Variants in RHAG observed in about 807,000 individuals in gnomAD.
RHAG encodes ammonium transporter Rh type A.
Under a neutral mutation model 42.4 loss-of-function variants are expected in RHAG, and 25 were observed. The ratio of observed to expected loss-of-function variants is 0.59; its 90% CI spans 0.43 to 0.82. The LOEUF is 0.82. Among genes scored for constraint, RHAG ranks in the 40% least tolerant of loss-of-function variants. The pLI is 0.00. For synonymous variants in RHAG, 182 were observed against 177.7 expected, an observed-to-expected ratio of 1.02 and a Z score of -0.19; for missense variants, 483 against 504.6, an observed-to-expected ratio of 0.96 and a Z score of 0.41.
At chr6:49,608,909 T>C (rs1254999470) in intron 7 of RHAG, among the ~76,000 whole-genome samples, 1 of 152,150 alleles carries the variant, frequency 6.6e-6, no homozygotes, top group Non-Finnish European at 1.5e-5. Flanking sequence ...CCTGTTAATT[T>C]TATAGGAATT....
chr6:49,616,373 A>G (rs1288806840), intron 3 of RHAG, among the ~76,000 whole-genome samples: 1 of 147,236 alleles, frequency 6.8e-6, no homozygotes, highest in Admixed American at 6.7e-5. Flanking sequence ...AAAAAAAAAA[A>G]AAGATACTGC....
At position 49,614,787 on chromosome 6, in the gene RHAG, T is replaced by C. The variant is rs777825752; in HGVS notation, c.707A>G (p.Gln236Arg). The change falls in exon 5 of 10, where the codon CAG (glutamine) becomes CGG (arginine). Residue 236 changes from glutamine (Q) to arginine (R), a missense_variant. Physicochemically the swap from Gln to Arg is conservative, Grantham distance 43 (BLOSUM62 1). Coordinates refer to ENST00000371175, the MANE Select transcript of RHAG (RefSeq NM_000324.3). The stretch of plus-strand genomic sequence containing the variant: ...GTACGTGTTTACAATGGCCCTGCAC[T>C]GTTTGTCTCCAGGTTCAGCAATGGC... ...NSAIAEPGDK[Q>R]CRAIVNTYFS... 3 of 1,614,170 alleles carry C rather than the reference T, an allele frequency of 1.9e-6. No individual in the cohort carries two copies. The highest frequency in any genetic ancestry group is 2.2e-5 in the South Asian group (2 of 91,086).
chr6:49,620,080 A>G (rs1171683467), intron 1 of RHAG, among the ~76,000 whole-genome samples: 1 of 152,202 alleles, frequency 6.6e-6, no homozygotes, highest in African/African-American at 2.4e-5. Flanking sequence ...ATGAAGCATT[A>G]ATAAACATAA....
Position 49,636,801 on chromosome 6 carries a change from T to G in RHAG, c.12A>C (p.Thr4=), listed in dbSNP as rs761593524. Residue 4 remains threonine, a synonymous_variant, in exon 1 of 10, where the codon ACA becomes ACC. Transcript: ENST00000371175. ...CCAGGACTATAGCCATGAGAGGGAA[T>G]GTGAACCTCATGTTTGTGGCAAAGG... The part of the protein sequence containing the change: MRF[T]FPLMAIVLEI... 2 of 1,613,756 alleles carry G rather than the reference T, an allele frequency of 1.2e-6. No individual in the cohort carries two copies. Among genetic ancestry groups the G allele is most frequent in the East Asian group, 4.5e-5 (2 of 44,858 alleles).
intron 7 of RHAG, 30 bp downstream of exon 7, chr6:49,610,994 A>T (rs767865615): frequency 6.2e-7 from 1 of 1,613,334 alleles, no homozygotes; most frequent in South Asian, 1.1e-5. Context: ...ATGGGACCAC[A>T]GGGGCTGAAA....
chr6:49,611,190 T>C (rs1348597202), intron 6 of RHAG, 45 bp from the exon 7 acceptor site: 9 of 1,470,980 alleles, frequency 6.1e-6, no homozygotes, highest in Non-Finnish European at 8.6e-6. Context: ...GTTAAACATA[T>C]AGAACTCTAG....
chr6:49,634,666 TGA>T (rs1463723515), intron 1 of RHAG, among the ~76,000 whole-genome samples: 1 of 152,048 alleles, frequency 6.6e-6, no homozygotes, highest in African/African-American at 2.4e-5. Flanking sequence ...CCTACAAGCT[TGA>T]GAGAGTTGAA....
In RHAG at chr6:49,615,636, A is replaced by G; in HGVS notation, c.628T>C (p.Phe210Leu). 1.2e-6 allele frequency: 2 copies of G among 1,614,080 alleles called. No homozygotes were observed. The highest frequency in any genetic ancestry group is 1.7e-6 in the Non-Finnish European group (2 of 1,180,014). The change falls in exon 4 of 10, where the codon TTT becomes CTT. Residue 210 changes from phenylalanine to leucine, a missense_variant. Coordinates refer to ENST00000371175, the MANE Select transcript of RHAG (RefSeq NM_000324.3). The part of the protein sequence containing the change: ...NEESAYYSDL[F>L]AMIGTLFLWM... ...TATCCACACTCACCAATCATTGCAA[A>G]CAAGTCTGAGTAGTATGCGGACTCT...
chr6:49,628,787 C>T (rs913249155), intron 1 of RHAG, among the ~76,000 whole-genome samples: 6 of 152,072 alleles, frequency 3.9e-5, no homozygotes, highest in Admixed American at 1.3e-4. Context: ...CGTGGTCTCG[C>T]TGGCTTCAGG....
At chr6:49,622,153 T>C (rs1762768691) in intron 1 of RHAG, among the ~76,000 whole-genome samples, 1 of 151,534 alleles carries the variant, frequency 6.6e-6, no homozygotes, top group Non-Finnish European at 1.5e-5. Flanking sequence ...GATGACTGAA[T>C]AATGGAGGCA....
intron 4 of RHAG, 183 bp downstream of exon 4, chr6:49,615,441 C>G: frequency 1.6e-6 from 1 of 634,830 alleles, no homozygotes; most frequent in Non-Finnish European, 2.8e-6. Context: ...GTTACCCAGG[C>G]TGGACTCAAA....
At chr6:49,616,049 T>C (rs1762648097) in intron 3 of RHAG, among the ~76,000 whole-genome samples, 1 of 152,158 alleles carries the variant, frequency 6.6e-6, no homozygotes, top group African/African-American at 2.4e-5. Flanking sequence ...AAGGATTCTG[T>C]AAAATGGGGA....
At chr6:49,627,361 T>C (rs1762859147) in intron 1 of RHAG, among the ~76,000 whole-genome samples, 1 of 152,204 alleles carries the variant, frequency 6.6e-6, no homozygotes, top group African/African-American at 2.4e-5. Context: ...TGCCAGCCTC[T>C]TTGTATAGCA....
chr6:49,624,048 T>C (rs1258948895), intron 1 of RHAG, among the ~76,000 whole-genome samples: 1 of 152,092 alleles, frequency 6.6e-6, no homozygotes, highest in Non-Finnish European at 1.5e-5. Context: ...AGCATTTTCC[T>C]GAAAGTTGTT....
At chr6:49,618,311 G>A in intron 2 of RHAG, 93 bp from the exon 3 acceptor site, 1 of 1,333,864 alleles carries the variant, frequency 7.5e-7, no homozygotes, top group Admixed American at 1.8e-5. Context: ...CACATCCAGT[G>A]CTTCCCAGGC....
chr6:49,627,353 C>G (rs1022049946), intron 1 of RHAG, among the ~76,000 whole-genome samples: 6 of 152,290 alleles, frequency 3.9e-5, no homozygotes, highest in African/African-American at 1.4e-4. Flanking sequence ...CAAAACTATG[C>G]CAGCCTCTTT....
At chr6:49,615,505 C>T (rs369347729) in intron 4 of RHAG, 119 bp downstream of exon 4, 185 of 1,156,556 alleles carry the variant, frequency 1.6e-4, no homozygotes, top group South Asian at 5.1e-4. Context: ...AGGATACAGT[C>T]GTTCACTACC....
chr6:49,621,217 T>C (rs1404635906), intron 1 of RHAG, among the ~76,000 whole-genome samples: 1 of 152,092 alleles, frequency 6.6e-6, no homozygotes, highest in African/African-American at 2.4e-5. Flanking sequence ...GATGCCCCCT[T>C]CAGATCAAAA....
intron 1 of RHAG, among the ~76,000 whole-genome samples, chr6:49,635,144 G>A (rs1009889663): frequency 6.6e-6 from 1 of 150,982 alleles, no homozygotes; most frequent in Non-Finnish European, 1.5e-5. Context: ...CTAGGCTACT[G>A]AAAAATGACC....
Sources: gnomAD v4.1 joint callset for allele counts (sites outside exome capture counted in the v4.1 genomes callset) on GRCh38, gnomAD v4.1.1 for gene constraint, MANE v1.5 for transcripts, NCBI Gene and HGNC (gene_info 2026-07-23, HGNC 2026-07-21) for gene names.